Variants in GRIK2 observed in about 807,000 individuals in gnomAD.
GRIK2 encodes the protein glutamate receptor ionotropic, kainate 2.
GRIK2 carries 32 observed loss-of-function variants against 100.3 expected under a neutral mutation model. The observed-to-expected ratio is 0.32, with a 90% CI of 0.24 to 0.43. GRIK2 has a LOEUF of 0.43. Ranked by LOEUF, GRIK2 falls within the 20% of genes least tolerant of loss-of-function variation. The pLI is 1.00. For synonymous variants in GRIK2, 417 were observed against 389.4 expected (o/e 1.07, Z -0.83); for missense variants, 843 against 1,114.9 (o/e 0.76, Z 3.47).
chr6:101,936,179 AT>A (rs1790605185), intron 14 of GRIK2, among the ~76,000 whole-genome samples: 2 of 151,958 alleles, frequency 1.3e-5, no homozygotes, highest in South Asian at 4.2e-4. Flanking sequence ...TGTTAATGAA[AT>A]TTTTGTTTGT....
At chr6:101,591,051 G>A (rs777303083) in intron 2 of GRIK2, among the ~76,000 whole-genome samples, 15 of 151,838 alleles carry the variant, frequency 9.9e-5, no homozygotes, top group South Asian at 2.1e-4. Context: ...AAATAATAGC[G>A]AAGGACTTTT....
intron 7 of GRIK2, among the ~76,000 whole-genome samples, chr6:101,743,501 A>T (rs1268877745): frequency 6.6e-6 from 1 of 152,186 alleles, no homozygotes; most frequent in Non-Finnish European, 1.5e-5. Flanking sequence ...TAGACCAGCT[A>T]ATAGCTGTCT....
chr6:101,545,497 T>A (rs1776188833), intron 2 of GRIK2, among the ~76,000 whole-genome samples: 1 of 152,166 alleles, frequency 6.6e-6, no homozygotes, highest in Admixed American at 6.5e-5. Context: ...TACAGAGAGT[T>A]TTTTTGAAAG....
intron 7 of GRIK2, among the ~76,000 whole-genome samples, chr6:101,702,745 G>C (rs1292611383): frequency 2.0e-5 from 3 of 151,752 alleles, no homozygotes; most frequent in Non-Finnish European, 2.9e-5. Flanking sequence ...AGGGTTATGG[G>C]AGAAAAATAT....
At chr6:101,411,534 TCA>T (rs1407711416) in intron 2 of GRIK2, among the ~76,000 whole-genome samples, 2 of 152,118 alleles carry the variant, frequency 1.3e-5, no homozygotes, top group African/African-American at 4.8e-5. Context: ...AATAAAGATC[TCA>T]CACACTGTGC....
intron 12 of GRIK2, chr6:101,890,184 T>A: frequency 5.3e-6 from 1 of 189,486 alleles, no homozygotes; most frequent in Non-Finnish European, 1.1e-5. Flanking sequence ...GAACCAAAAC[T>A]AAAATAACAT....
intron 14 of GRIK2, among the ~76,000 whole-genome samples, chr6:101,946,756 TAA>T (rs1374168542): frequency 6.6e-6 from 1 of 152,064 alleles, no homozygotes. Flanking sequence ...GGAGGGTGTT[TAA>T]AAGTTGGAGA....
chr6:101,684,022 A>G (rs1429570952), intron 6 of GRIK2, among the ~76,000 whole-genome samples: 1 of 152,214 alleles, frequency 6.6e-6, no homozygotes, highest in East Asian at 1.9e-4. Context: ...TTAAAATTTA[A>G]TTGATTGCAA....
At chr6:101,995,028 C>CTTA in intron 14 of GRIK2, among the ~76,000 whole-genome samples, 1 of 151,948 alleles carries the variant, frequency 6.6e-6, no homozygotes, top group South Asian at 2.1e-4. Context: ...GATATAGATT[C>CTTA]TTATTATTTT....
At chr6:101,925,252 A>G (rs1789812470) in intron 13 of GRIK2, among the ~76,000 whole-genome samples, 1 of 152,180 alleles carries the variant, frequency 6.6e-6, no homozygotes, top group South Asian at 2.1e-4. Context: ...ATAAGAATAT[A>G]AAATATTGCA....
intron 2 of GRIK2, among the ~76,000 whole-genome samples, chr6:101,510,090 G>T (rs897670823): frequency 6.6e-6 from 1 of 152,036 alleles, no homozygotes; most frequent in African/African-American, 2.4e-5. Flanking sequence ...CTTAAAATAA[G>T]ATTTCAATTT....
chr6:101,729,691 A>AAGAG (rs150655159), intron 7 of GRIK2, among the ~76,000 whole-genome samples: 60 of 149,850 alleles, frequency 4.0e-4, no homozygotes, highest in African/African-American at 1.2e-3. Flanking sequence ...GTGGTGTGGG[A>AAGAG]AGAGAGAGAG....
chr6:101,463,013 T>C lies in GRIK2; in HGVS notation c.115+63621T>C, dbSNP rs183244806. On this transcript the variant is annotated intron_variant, in intron 2 of 16. Transcript: ENST00000369134. ...TTTAAAAAGCCTATATATATTTTTA[T>C]TGATGCATTAAAACACCATAAATCA... Among the ~76,000 whole-genome samples, 11 of 152,314 alleles carry C rather than the reference T, an allele frequency of 7.2e-5. No individual in the cohort carries two copies. In the East Asian group the frequency reaches 1.4e-3, roughly 19 times the overall value.
intron 10 of GRIK2, among the ~76,000 whole-genome samples, chr6:101,825,052 T>G (rs973418727): frequency 4.6e-5 from 7 of 152,214 alleles, no homozygotes; most frequent in African/African-American, 1.7e-4. Flanking sequence ...GTAGAAGGAC[T>G]GTCAAGCATG....
chr6:101,668,315 A>G (rs1024664935), intron 4 of GRIK2, among the ~76,000 whole-genome samples: 7 of 152,204 alleles, frequency 4.6e-5, no homozygotes, highest in African/African-American at 1.7e-4. Context: ...AGAATGGCTG[A>G]TAAAAAATTG....
At chr6:101,886,717 C>T (rs1308678562) in intron 11 of GRIK2, among the ~76,000 whole-genome samples, 12 of 151,786 alleles carry the variant, frequency 7.9e-5, no homozygotes, top group Admixed American at 7.2e-4. Flanking sequence ...CCTATTTCTC[C>T]TATCCAACTG....
chr6:101,428,923 C>A (rs1475908018), intron 2 of GRIK2, among the ~76,000 whole-genome samples: 1 of 152,154 alleles, frequency 6.6e-6, no homozygotes, highest in Non-Finnish European at 1.5e-5. Flanking sequence ...TTTCTCCTTT[C>A]AAATTCTTAG....
At chr6:101,993,494 G>A (rs1444527289) in intron 14 of GRIK2, 1 of 151,128 alleles carries the variant, frequency 6.6e-6, no homozygotes, top group Non-Finnish European at 1.5e-5. Context: ...ATTCAAAGAT[G>A]ATAAAATATG....
intron 14 of GRIK2, among the ~76,000 whole-genome samples, chr6:101,952,044 A>C (rs1331187356): frequency 6.6e-6 from 1 of 152,198 alleles, no homozygotes; most frequent in Non-Finnish European, 1.5e-5. Flanking sequence ...TTCCTTCAAC[A>C]GTCATAACCT....
Sources: gnomAD v4.1 joint callset for allele counts (sites outside exome capture counted in the v4.1 genomes callset) on GRCh38, gnomAD v4.1.1 for gene constraint, MANE v1.5 for transcripts, NCBI Gene and HGNC (gene_info 2026-07-23, HGNC 2026-07-21) for gene names.